The following DRICH1 variants were observed in gnomAD, a reference collection of about 807,000 sequenced individuals.
DRICH1 encodes aspartate-rich protein 1.
DRICH1 carries 38 observed loss-of-function variants against 39.5 expected under a neutral mutation model. That is an observed-to-expected ratio of 0.96 (90% CI 0.74 to 1.26). The LOEUF is 1.26. Ranked by LOEUF, DRICH1 falls within the 50% of genes most tolerant of loss-of-function variation. The pLI is 0.00. For synonymous variants in DRICH1, 84 were observed against 99.5 expected, an observed-to-expected ratio of 0.84 and a Z score of 0.93; for missense variants, 279 against 270.4, an observed-to-expected ratio of 1.03 and a Z score of -0.22.
the DRICH1 span, among the ~76,000 whole-genome samples, chr22:23,599,291 A>G: frequency 6.6e-6 from 1 of 152,142 alleles, no homozygotes; most frequent in African/African-American, 2.4e-5. Context: ...GTGCGTGTTC[A>G]CAGACCTGGT....
chr22:23,600,667 A>AT, the DRICH1 span, among the ~76,000 whole-genome samples: 15 of 140,182 alleles, frequency 1.1e-4, no homozygotes, highest in African/African-American at 3.5e-4. Flanking sequence ...CGATTCGGCA[A>AT]TTTTTTTTCT....
the DRICH1 span, among the ~76,000 whole-genome samples, chr22:23,591,206 G>C: frequency 7.9e-5 from 12 of 152,240 alleles, no homozygotes; most frequent in African/African-American, 2.4e-4. Context: ...AATGGTTGAG[G>C]CAAAAGGAAG....
chr22:23,588,008 C>T, the DRICH1 span, among the ~76,000 whole-genome samples: 1 of 152,220 alleles, frequency 6.6e-6, no homozygotes, highest in South Asian at 2.1e-4. Flanking sequence ...TCTGAGGAAT[C>T]CCCACTTGCC....
intron 6 of DRICH1, among the ~76,000 whole-genome samples, chr22:23,618,440 T>C (rs1055974598): frequency 1.4e-4 from 21 of 151,984 alleles, no homozygotes; most frequent in African/African-American, 4.6e-4. Context: ...TTCATAGAGA[T>C]CATTTAAAAA....
chr22:23,628,845 C>G (rs1228669660), intron 1 of DRICH1, among the ~76,000 whole-genome samples: 2 of 152,128 alleles, frequency 1.3e-5, no homozygotes, highest in African/African-American at 2.4e-5. Context: ...CAACGGCCAT[C>G]ATCGCACAAA....
downstream of DRICH1, among the ~76,000 whole-genome samples, chr22:23,606,251 T>G (rs952767146): frequency 6.6e-6 from 1 of 152,134 alleles, no homozygotes; most frequent in Non-Finnish European, 1.5e-5. Context: ...CTCTCACCCC[T>G]TACCTGCCCC....
chr22:23,608,771 G>T lies in DRICH1; in HGVS notation c.686-3C>A, dbSNP rs373938982. The T allele has an allele frequency of 3.1e-5, 49 of 1,560,450 alleles. No individual in the cohort carries two copies. In the Admixed American group the frequency reaches 4.8e-4, roughly 15 times the overall value. ...CAGCTCCACAGAAGGGCTTCACCCT[G>T]GATGAAGAGATAATCCCTTTTTAGT... On this transcript the variant is annotated splice_polypyrimidine_tract_variant and splice_region_variant and intron_variant, in intron 11 of 11. Coordinates refer to ENST00000317749, the MANE Select transcript of DRICH1 (RefSeq NM_016449.4).
In DRICH1 at chr22:23,632,308, G is replaced by A. The variant is rs1921009627; in HGVS notation, c.-285C>T. 4.4e-6 allele frequency: 2 copies of A among 454,690 alleles called. No individual in the cohort carries two copies. The highest frequency in any genetic ancestry group is 8.5e-5 in the East Asian group (2 of 23,410). The allele number at this position is 454,690 out of a possible 1,614,324, so 28.2% of individuals were successfully genotyped here. A position where few individuals can be genotyped will look rare whatever the true frequency, so the allele number is the denominator to read the frequency against. On this transcript the variant is annotated 5_prime_UTR_variant, in exon 1 of 12. Transcript: ENST00000317749. ...AGTTGGAGCTCCTCCTCCCTCCACTGCGAGCTACTGACTGAGGGCTGCTGG... is the reference window on the plus strand; with the variant it reads ...AGTTGGAGCTCCTCCTCCCTCCACTACGAGCTACTGACTGAGGGCTGCTGG...
At chr22:23,593,421 T>C in the DRICH1 span, among the ~76,000 whole-genome samples, 1 of 151,966 alleles carries the variant, frequency 6.6e-6, no homozygotes, top group South Asian at 2.1e-4. Flanking sequence ...CCCAGCACTC[T>C]GGGAGTGCTG....
At chr22:23,622,314 G>C (rs1225094900) in intron 3 of DRICH1, 138 bp from the exon 4 acceptor site, 1 of 800,354 alleles carries the variant, frequency 1.2e-6, no homozygotes, top group Non-Finnish European at 2.2e-6. Flanking sequence ...ATTCCCCTGA[G>C]TGGAAGAGGG....
At chr22:23,599,550 C>T in the DRICH1 span, among the ~76,000 whole-genome samples, 2 of 152,176 alleles carry the variant, frequency 1.3e-5, no homozygotes, top group African/African-American at 4.8e-5. Flanking sequence ...CGTGGTATGG[C>T]AGACAGGTTC....
At chr22:23,620,850 T>C (rs892210736) in intron 4 of DRICH1, among the ~76,000 whole-genome samples, 11 of 152,202 alleles carry the variant, frequency 7.2e-5, no homozygotes, top group Non-Finnish European at 1.5e-4. Context: ...TTGACTTAGA[T>C]TGGTAAATGC....
the DRICH1 span, among the ~76,000 whole-genome samples, chr22:23,588,625 T>A: frequency 1.3e-5 from 2 of 152,160 alleles, no homozygotes; most frequent in Non-Finnish European, 1.5e-5. Flanking sequence ...AAGAGGGTGC[T>A]CACTCTCAGG....
At chr22:23,621,751 T>C (rs909653953) in intron 4 of DRICH1, among the ~76,000 whole-genome samples, 1 of 152,064 alleles carries the variant, frequency 6.6e-6, no homozygotes, top group Non-Finnish European at 1.5e-5. Flanking sequence ...CCGTCTCTAC[T>C]AAGAATACAA....
the DRICH1 span, among the ~76,000 whole-genome samples, chr22:23,592,607 G>C: frequency 2.6e-5 from 4 of 152,148 alleles, no homozygotes; most frequent in African/African-American, 9.7e-5. Context: ...CCAGGGCCCA[G>C]TCTGCACAGT....
the DRICH1 span, among the ~76,000 whole-genome samples, chr22:23,585,727 C>T: frequency 6.6e-6 from 1 of 152,114 alleles, no homozygotes; most frequent in African/African-American, 2.4e-5. Context: ...ACTGTGTTGC[C>T]CGGGCTGGAC....
chr22:23,582,569 T>TATTATTATTATTATTATTA, the DRICH1 span, among the ~76,000 whole-genome samples: 13 of 148,984 alleles, frequency 8.7e-5, no homozygotes, highest in African/African-American at 2.2e-4. Context: ...TTATTATTAT[T>TATTATTATTATTATTATTA]ATTATTATTA....
the DRICH1 span, chr22:23,583,545 T>C: frequency 3.9e-5 from 6 of 152,316 alleles, no homozygotes; most frequent in Admixed American, 2.6e-4. Flanking sequence ...ACGAGAGCCA[T>C]AGTGAGCTCA....
the DRICH1 span, among the ~76,000 whole-genome samples, chr22:23,599,118 T>C: frequency 6.6e-6 from 1 of 152,196 alleles, no homozygotes; most frequent in Non-Finnish European, 1.5e-5. Flanking sequence ...GGCCACTCAA[T>C]AGCGTCTCAA....
Sources: gnomAD v4.1 joint callset for allele counts (sites outside exome capture counted in the v4.1 genomes callset) on GRCh38, gnomAD v4.1.1 for gene constraint, MANE v1.5 for transcripts, NCBI Gene and HGNC (gene_info 2026-07-23, HGNC 2026-07-21) for gene names.